The following PCDHA11 variants were observed in gnomAD, a reference collection of about 807,000 sequenced individuals.
PCDHA11 encodes the protein protocadherin alpha 11, also known as protocadherin alpha-11.
In PCDHA11, 61 loss-of-function variants were observed where a neutral mutation model predicts 70.3. That is an observed-to-expected ratio of 0.87 (90% CI 0.71 to 1.07). The LOEUF (loss-of-function observed/expected upper bound fraction) is 1.07. Ranked by LOEUF, PCDHA11 falls within the 50% of genes least tolerant of loss-of-function variation. The pLI, the probability that PCDHA11 is intolerant of heterozygous loss-of-function variation, is 0.00. For synonymous variants in PCDHA11, 633 were observed against 555.1 expected (o/e 1.14, Z -1.97); for missense variants, 1,324 against 1,237.5 (o/e 1.07, Z -1.05).
At chr5:140,918,940 A>G (rs541337613) in intron 1 of PCDHA11, among the ~76,000 whole-genome samples, 1 of 152,212 alleles carries the variant, frequency 6.6e-6, no homozygotes, top group Non-Finnish European at 1.5e-5. Context: ...TTTTGTTATA[A>G]TATCCTGAAC....
intron 1 of PCDHA11, among the ~76,000 whole-genome samples, chr5:140,891,408 C>G (rs1341322877): frequency 2.0e-5 from 3 of 147,046 alleles, no homozygotes; most frequent in Admixed American, 6.8e-5. Flanking sequence ...TCGCCACCCC[C>G]CACTCTTGCC....
At chr5:140,876,554 A>C (rs2056417075) in intron 1 of PCDHA11, 2 of 1,614,052 alleles carry the variant, frequency 1.2e-6, no homozygotes, top group African/African-American at 2.7e-5. Context: ...CCTGTGCAAG[A>C]GGATGCTCAG....
At chr5:140,975,553 G>T (rs990389718) in intron 1 of PCDHA11, among the ~76,000 whole-genome samples, 2 of 152,226 alleles carry the variant, frequency 1.3e-5, no homozygotes, top group Non-Finnish European at 2.9e-5. Context: ...TATTAGGAAG[G>T]AAAAGGAGAT....
Position 140,982,485 on chromosome 5 carries a change from C to T in PCDHA11, c.2461C>T (p.Leu821=). 1 of 1,614,100 alleles carries T rather than the reference C, an allele frequency of 6.2e-7. No homozygotes were observed. The highest frequency in any genetic ancestry group is 8.5e-7 in the Non-Finnish European group (1 of 1,180,004). The part of the protein sequence containing the change: ...LRAGMHSSVH[L]EEAGILRAGP... ...TGTGTGTTTATTCAGCTCTGTGCAC[C>T]TAGAGGAGGCTGGCATTCTACGGGC... The change falls in exon 3 of 4, where the codon CTA becomes TTA. Residue 821 remains leucine (L), a synonymous_variant. Coordinates refer to ENST00000398640, the MANE Select transcript of PCDHA11 (RefSeq NM_018902.5).
At chr5:140,886,364 C>T (rs2060956289) in intron 1 of PCDHA11, among the ~76,000 whole-genome samples, 1 of 152,082 alleles carries the variant, frequency 6.6e-6, no homozygotes. Context: ...CATAGGTGTA[C>T]ATGCCATGGT....
chr5:141,006,979 G>T (rs1236461454), intron 3 of PCDHA11, among the ~76,000 whole-genome samples: 1 of 152,156 alleles, frequency 6.6e-6, no homozygotes, highest in Non-Finnish European at 1.5e-5. Context: ...ACAGAGAGAT[G>T]TGGGCTTAAA....
At chr5:140,986,077 A>G (rs1335070462) in intron 3 of PCDHA11, among the ~76,000 whole-genome samples, 2 of 152,094 alleles carry the variant, frequency 1.3e-5, no homozygotes, top group Non-Finnish European at 2.9e-5. Flanking sequence ...GAAACTGTTC[A>G]TTTATTTTCA....
rs1554217734 is a variant in PCDHA11 at position 140,946,611 on chromosome 5, A to AATATATATATATATATATATATATATAT, written c.2392-32317_2392-32316insTATATATATATATATATATATATATATA. Among the ~76,000 whole-genome samples, 579 of 86,182 alleles carry AATATATATATATATATATATATATATAT rather than the reference A, an allele frequency of 6.7e-3. 16 individuals are homozygous for AATATATATATATATATATATATATATAT. The highest frequency in any genetic ancestry group is 0.011 in the Middle Eastern group (2 of 184). 56.5% of individuals were successfully genotyped at this position (86,182 alleles called of 152,430 possible). A position where few individuals can be genotyped will look rare whatever the true frequency, so the allele number is the denominator to read the frequency against. On this transcript the variant is annotated intron_variant, in intron 1 of 3. Transcript: ENST00000398640. ...GGATGAATAGATAAAGAAAATGTGA[A>AATATATATATATATATATATATATATAT]ATATATATATATATATATATACAAT...
rs1402531454 is a variant in PCDHA11 at position 141,011,521 on chromosome 5, TA to T, written c.*1586del. 1 of 153,804 alleles carries T rather than the reference TA, an allele frequency of 6.5e-6. No individual in the cohort carries two copies. The allele number at this position is 153,804 out of a possible 1,614,324, so 9.5% of individuals were successfully genotyped here. A position where few individuals can be genotyped will look rare whatever the true frequency, so the allele number is the denominator to read the frequency against. ...GTGAAAAAGTGGAGTAGTGTTTTTT[TA>T]ACCATTGTTAATCAGCTTTTGTGTA... On this transcript the variant is annotated 3_prime_UTR_variant, in exon 4 of 4. Coordinates refer to ENST00000398640, the MANE Select transcript of PCDHA11 (RefSeq NM_018902.5).
At chr5:140,911,822 C>A (rs2075653935) in intron 1 of PCDHA11, among the ~76,000 whole-genome samples, 1 of 152,104 alleles carries the variant, frequency 6.6e-6, no homozygotes. Context: ...CTCCAGAAAC[C>A]CCAAAACCAA....
chr5:140,873,734 C>T (rs2054463877), intron 1 of PCDHA11, among the ~76,000 whole-genome samples: 1 of 152,178 alleles, frequency 6.6e-6, no homozygotes, highest in African/African-American at 2.4e-5. Flanking sequence ...AATCTCAGCT[C>T]ACTGCAATCT....
At chr5:140,935,564 T>A (rs1554210560) in intron 1 of PCDHA11, among the ~76,000 whole-genome samples, 1 of 152,236 alleles carries the variant, frequency 6.6e-6, no homozygotes, top group Non-Finnish European at 1.5e-5. Context: ...GAAAAGTTCC[T>A]CTCTGTGTAG....
rs1554164745 is a variant in PCDHA11, at chr5:140,870,840, A to G, written c.1737A>G (p.Leu579=). 1.9e-6 allele frequency: 3 copies of G among 1,613,712 alleles called. No individual in the cohort carries two copies. The highest frequency in any genetic ancestry group is 3.3e-5 in the Admixed American group (2 of 59,998). ...GCGCGGGAGGCGCAGTTAACAAGCT[A>G]GTACCGCGGTCGGTGGGTGCGGGCC... ...AGSAGGAVNK[L]VPRSVGAGHV... Residue 579 remains leucine, a synonymous_variant, in exon 1 of 4, where the codon CTA becomes CTG. Transcript: ENST00000398640.
rs77078209 is a variant in PCDHA11 at position 140,927,973 on chromosome 5, C to T, written c.2392-50976C>T. ...CGCTGCCCCTGGCACAGTGATTGCT[C>T]TCTTTAGTGTAAAGGATGAAGACCT... On this transcript the variant is annotated intron_variant, in intron 1 of 3. Transcript: ENST00000398640. The T allele has an allele frequency of 1.9e-6, 3 of 1,614,216 alleles. No individual in the cohort carries two copies. The East Asian group carries it at 6.7e-5, about 36-fold the overall frequency.
At chr5:140,966,860 TTGC>T (rs148181752) in intron 1 of PCDHA11, 30 of 1,577,282 alleles carry the variant, frequency 1.9e-5, no homozygotes, top group Middle Eastern at 1.7e-4. Context: ...CCTGCTGCTG[TTGC>T]TGCTGCTGCT....
chr5:140,941,199 C>CTT (rs879983584), intron 1 of PCDHA11, among the ~76,000 whole-genome samples: 22 of 115,972 alleles, frequency 1.9e-4, no homozygotes, highest in African/African-American at 6.6e-4. Context: ...TTTTTTCTTT[C>CTT]TTCCTTTCTT....
chr5:140,953,467 C>T (rs952334269), intron 1 of PCDHA11, among the ~76,000 whole-genome samples: 1 of 152,090 alleles, frequency 6.6e-6, no homozygotes, highest in African/African-American at 2.4e-5. Context: ...AGAGTTTTAA[C>T]TTCCTCATGC....
At chr5:140,931,884 T>A (rs1554208638) in intron 1 of PCDHA11, among the ~76,000 whole-genome samples, 1 of 151,972 alleles carries the variant, frequency 6.6e-6, no homozygotes, top group Non-Finnish European at 1.5e-5. Flanking sequence ...ATTGCTTTCA[T>A]TTTATTTCAA....
intron 1 of PCDHA11, among the ~76,000 whole-genome samples, chr5:140,890,076 C>G (rs2062479072): frequency 6.6e-6 from 1 of 152,150 alleles, no homozygotes. Flanking sequence ...CTTATGAGAA[C>G]TGATAATGCA....
Sources: gnomAD v4.1 joint callset for allele counts (sites outside exome capture counted in the v4.1 genomes callset) on GRCh38, gnomAD v4.1.1 for gene constraint, MANE v1.5 for transcripts, NCBI Gene and HGNC (gene_info 2026-07-23, HGNC 2026-07-21) for gene names.